Variants in SAFB2 observed in about 807,000 individuals in gnomAD.
SAFB2 encodes scaffold attachment factor B2.
A neutral mutation model predicts 100.6 loss-of-function variants in SAFB2; 32 were observed. That is an observed-to-expected ratio of 0.32 (90% CI 0.24 to 0.43). SAFB2 has a LOEUF of 0.43. SAFB2 is among the 20% of genes least tolerant of loss of function. The probability of loss-of-function intolerance (pLI) is 1.00; values close to 1 mark genes in which losing one functional copy is unlikely to be tolerated. For missense variants in SAFB2, 1,185 were observed against 1,163.4 expected, an observed-to-expected ratio of 1.02 and a Z score of -0.27; for synonymous variants, 500 against 439.4, an observed-to-expected ratio of 1.14 and a Z score of -1.72.
In SAFB2 at chr19:5,594,398, C is replaced by A. The variant is rs145221020; in HGVS notation, c.1920-220G>T. Among the ~76,000 whole-genome samples, 488 of 152,290 alleles carry A rather than the reference C, an allele frequency of 3.2e-3. 1 individual carries two copies. The highest frequency in any genetic ancestry group is 0.011 in the African/African-American group (453 of 41,560). ...AGCTGGCAACATTTCTAGGTTTGCT[C>A]GAGAACATTTTCCAAATGCTGTGAG... On this transcript the variant is annotated intron_variant, in intron 14 of 20. Coordinates refer to ENST00000252542, the MANE Select transcript of SAFB2 (RefSeq NM_014649.3).
chr19:5,589,886 C>T (rs1047113263), intron 18 of SAFB2, among the ~76,000 whole-genome samples: 5 of 152,112 alleles, frequency 3.3e-5, no homozygotes, highest in African/African-American at 1.2e-4. Flanking sequence ...GAGAAAAAAC[C>T]CGAGGAAGAC....
chr19:5,587,462 G>A lies in SAFB2; in HGVS notation c.2706-63C>T, dbSNP rs2052281063. On this transcript the variant is annotated intron_variant, in intron 20 of 20. Coordinates refer to ENST00000252542, the MANE Select transcript of SAFB2 (RefSeq NM_014649.3). The surrounding 1 kb of genome is among the most constrained non-coding windows in gnomAD (Gnocchi z 4.9). Reference sequence around the variant, plus strand: ...TGCTCAGCGTTTTCATCGTAACATGGGTTCAGTAACGGTCCCGCAGCCTTT... The same window carrying A: ...TGCTCAGCGTTTTCATCGTAACATGAGTTCAGTAACGGTCCCGCAGCCTTT... 6.5e-7 allele frequency: 1 copy of A among 1,544,710 alleles called. No homozygotes were observed. Among genetic ancestry groups the A allele is most frequent in the South Asian group, 1.2e-5 (1 of 84,016 alleles).
Position 5,594,128 on chromosome 19 carries a change from C to A in SAFB2, c.1970G>T (p.Arg657Leu). ...CCGCTGTAGCCGGGCCTTCTCCTTC[C>A]GCTCATGGAAGGCCTCGAGGCGTTG... Reference protein sequence around the residue: ...REQRLEAFHERKEKARLQRER... With the variant: ...REQRLEAFHELKEKARLQRER... Residue 657 changes from arginine (R) to leucine (L), a missense_variant, in exon 15 of 21, where the codon CGG becomes CTG. Physicochemically the swap from Arg to Leu is moderately radical, Grantham distance 102. Around this residue, in one of 3 missense-constraint regions of SAFB2, gnomAD observed 740 missense variants for 687.1 expected, o/e 1.08. Transcript: ENST00000252542. 7 of 1,602,496 alleles carry A rather than the reference C, an allele frequency of 4.4e-6. No homozygotes were observed. Among genetic ancestry groups the A allele is most frequent in the East Asian group, 2.2e-5 (1 of 44,824 alleles).
rs376678933 is a variant in SAFB2 at position 5,590,540 on chromosome 19, T to C, written c.2395-132A>G. On this transcript the variant is annotated intron_variant, in intron 17 of 20. Coordinates refer to ENST00000252542, the MANE Select transcript of SAFB2 (RefSeq NM_014649.3). ...GCTGAGAGAGGACTGAAGGGTGCAG[T>C]CTCAGCCCTGCTGGGCCCTGCTTCA... 3.5e-5 allele frequency: 36 copies of C among 1,033,868 alleles called. No individual in the cohort carries two copies. In the African/African-American group the frequency reaches 4.6e-4, roughly 13 times the overall value. The allele number at this position is 1,033,868 out of a possible 1,614,324, so 64.0% of individuals were successfully genotyped here. A position where few individuals can be genotyped will look rare whatever the true frequency, so the allele number is the denominator to read the frequency against.
intron 1 of SAFB2, among the ~76,000 whole-genome samples, chr19:5,621,934 CCT>C (rs1223516572): frequency 1.3e-5 from 2 of 152,350 alleles, no homozygotes; most frequent in South Asian, 2.1e-4. Flanking sequence ...GCATTTAGCC[CCT>C]GCTTTCAGCG....
Position 5,598,964 on chromosome 19 carries a change from T to G in SAFB2, c.1691-80A>C. 3.0e-6 allele frequency: 4 copies of G among 1,313,444 alleles called. No homozygotes were observed. The South Asian group carries it at 4.8e-5, about 16-fold the overall frequency. 81.4% of individuals were successfully genotyped at this position (1,313,444 alleles called of 1,614,324 possible). ...CAGTAAACAGCACTCTGATGGACCC[T>G]GGGCTTTTGAACACACAAGGCGTGA... is the stretch of plus-strand genomic sequence containing the variant. On this transcript the variant is annotated intron_variant, in intron 12 of 20. Transcript: ENST00000252542.
At chr19:5,622,427 G>T (rs2053183160) in intron 1 of SAFB2, 103 bp downstream of exon 1, 1 of 1,240,194 alleles carries the variant, frequency 8.1e-7, no homozygotes, top group Non-Finnish European at 1.1e-6. Context: ...GCCAAGACGC[G>T]GGGCGAACCC....
At chr19:5,589,682 G>T (rs537722198) in intron 18 of SAFB2, among the ~76,000 whole-genome samples, 1 of 152,288 alleles carries the variant, frequency 6.6e-6, no homozygotes, top group South Asian at 2.1e-4. Flanking sequence ...TCCCAGACAA[G>T]CCCTGCCCCC....
At chr19:5,606,808 G>C (rs114994233) in intron 9 of SAFB2, among the ~76,000 whole-genome samples, 200 of 152,270 alleles carry the variant, frequency 1.3e-3, no homozygotes, top group African/African-American at 4.8e-3. Flanking sequence ...AAAGAAACAA[G>C]AACGTATCAC....
chr19:5,616,016 A>G (rs1261844389), intron 4 of SAFB2, 116 bp downstream of exon 4: 1 of 907,518 alleles, frequency 1.1e-6, no homozygotes, highest in Non-Finnish European at 1.7e-6. Flanking sequence ...CAGGGTGTAG[A>G]AGCAGAACTG....
intron 13 of SAFB2, among the ~76,000 whole-genome samples, chr19:5,597,070 A>G (rs1443388752): frequency 6.6e-6 from 1 of 152,180 alleles, no homozygotes; most frequent in African/African-American, 2.4e-5. Flanking sequence ...CAGATGTCTT[A>G]CACACACTGC....
rs183332684 is a variant in SAFB2, at chr19:5,608,088, A to G, written c.1296+1907T>C. Among the ~76,000 whole-genome samples, 39 of 152,338 alleles carry G rather than the reference A, an allele frequency of 2.6e-4. No individual in the cohort carries two copies. In the East Asian group the frequency reaches 7.1e-3, roughly 28 times the overall value. On this transcript the variant is annotated intron_variant, in intron 9 of 20. Coordinates refer to ENST00000252542, the MANE Select transcript of SAFB2 (RefSeq NM_014649.3). ...ATGCCATCCGCCCTGGAGGCTCTGCATACTTCAGTCAAGTAGCTGAGTGGT... is the reference window on the plus strand; with the variant it reads ...ATGCCATCCGCCCTGGAGGCTCTGCGTACTTCAGTCAAGTAGCTGAGTGGT...
Position 5,587,859 on chromosome 19 carries a change from G to A in SAFB2, c.2638+9C>T. The A allele has an allele frequency of 6.2e-7, 1 of 1,607,220 alleles. No homozygotes were observed. Among genetic ancestry groups the A allele is most frequent in the Non-Finnish European group, 8.5e-7 (1 of 1,176,986 alleles). ...ACAGCCACCCTCGTCCCTGGAGCCAGCCCCGTACCTTGCCACCTGGCGTGC... is the reference window on the plus strand; with the variant it reads ...ACAGCCACCCTCGTCCCTGGAGCCAACCCCGTACCTTGCCACCTGGCGTGC... On this transcript the variant is annotated intron_variant, in intron 19 of 20. Coordinates refer to ENST00000252542, the MANE Select transcript of SAFB2 (RefSeq NM_014649.3). The surrounding 1 kb of genome is among the most constrained non-coding windows in gnomAD (Gnocchi z 4.9).
At chr19:5,609,300 CT>C (rs751534976) in intron 9 of SAFB2, among the ~76,000 whole-genome samples, 19,010 of 118,816 alleles carry the variant, frequency 0.16, 1,332 homozygotes, top group Middle Eastern at 0.21. Context: ...TCACTTCATT[CT>C]TTTTTTTTTT....
At chr19:5,622,393 G>A in intron 1 of SAFB2, 137 bp downstream of exon 1, 1 of 791,702 alleles carries the variant, frequency 1.3e-6, no homozygotes, top group Non-Finnish European at 1.9e-6. Context: ...CCCCCTGGGT[G>A]CCCGACACCT....
At chr19:5,599,272 G>A (rs1275047806) in intron 12 of SAFB2, among the ~76,000 whole-genome samples, 1 of 152,140 alleles carries the variant, frequency 6.6e-6, no homozygotes, top group Non-Finnish European at 1.5e-5. Flanking sequence ...GCCTGTGCTA[G>A]GAATCACACT....
Position 5,622,652 on chromosome 19 carries a change from C to T in SAFB2, c.64G>A (p.Val22Ile). 6.2e-7 allele frequency: 1 copy of T among 1,609,208 alleles called. No individual in the cohort carries two copies. The highest frequency in any genetic ancestry group is 8.5e-7 in the Non-Finnish European group (1 of 1,178,972). The change falls in exon 1 of 21, where the codon GTT becomes ATT. Residue 22 changes from valine to isoleucine, a missense_variant. By Grantham distance (29) the Val-to-Ile change is conservative. This residue lies in a region of SAFB2 where 351 missense variants were observed against 341.2 expected (regional missense o/e 1.03). Transcript: ENST00000252542. The stretch of plus-strand genomic sequence containing the variant: ...AGCCGCCTCGTCCCAGTCTCCGCAA[C>T]GCCCGGGCCGAGAGAAGCCGTGCCA... ...GPGTASLGPG[V>I]AETGTRRLSE...
At chr19:5,590,124 TTC>T (rs2052358996) in intron 18 of SAFB2, among the ~76,000 whole-genome samples, 152 bp downstream of exon 18, 1 of 152,124 alleles carries the variant, frequency 6.6e-6, no homozygotes, top group South Asian at 2.1e-4. Context: ...AACCTGGACT[TTC>T]TGAGTCAGGG....
rs184659394 is a variant in SAFB2, at chr19:5,595,787, C to G, written c.1783-290G>C. 5.1e-4 allele frequency among the ~76,000 whole-genome samples: 77 copies of G among 152,348 alleles called. 1 individual carries two copies. The highest frequency in any genetic ancestry group is 1.7e-3 in the African/African-American group (72 of 41,588). ...CACAGTTCTTCTAGCATAGCACAGC[C>G]AAGGACTCACATAATCCAAAGCAAA... is the stretch of plus-strand genomic sequence containing the variant. On this transcript the variant is annotated intron_variant, in intron 13 of 20. Transcript: ENST00000252542.
Sources: allele counts gnomAD v4.1 joint callset (sites outside exome capture counted in the v4.1 genomes callset), GRCh38; gene constraint gnomAD v4.1.1; regional missense constraint gnomAD v4.1.1; non-coding constraint Gnocchi (gnomAD v3.1); transcripts MANE v1.5; gene names NCBI Gene and HGNC (gene_info 2026-07-23, HGNC 2026-07-21).